CLSTN1: variants seen among roughly 807,000 people sequenced by gnomAD.
The protein encoded by CLSTN1 is calsyntenin-1.
A neutral mutation model predicts 108.3 loss-of-function variants in CLSTN1; 28 were observed. That is an observed-to-expected ratio of 0.26 (90% CI 0.19 to 0.35). The LOEUF (loss-of-function observed/expected upper bound fraction) is 0.35. Ranked by LOEUF, CLSTN1 falls within the 10% of genes least tolerant of loss-of-function variation. CLSTN1 has a pLI of 1.00. For synonymous variants in CLSTN1, 524 were observed against 534.9 expected, an observed-to-expected ratio of 0.98 and a Z score of 0.28; for missense variants, 1,157 against 1,302.6, an observed-to-expected ratio of 0.89 and a Z score of 1.72.
chr1:9,813,890 G>A (rs765948237), intron 1 of CLSTN1, among the ~76,000 whole-genome samples: 146 of 151,570 alleles, frequency 9.6e-4, no homozygotes, highest in Non-Finnish European at 1.9e-3. Context: ...ACAAGGTGAG[G>A]AGATCGAGAC....
chr1:9,764,636 T>TTA (rs1225828423), intron 2 of CLSTN1, among the ~76,000 whole-genome samples: 1 of 103,950 alleles, frequency 9.6e-6, no homozygotes, highest in African/African-American at 4.3e-5. Context: ...GGCTCCATCT[T>TTA]TAAAAAAAAA....
intron 7 of CLSTN1, among the ~76,000 whole-genome samples, chr1:9,744,994 C>T (rs1232740278): frequency 3.9e-5 from 6 of 152,178 alleles, no homozygotes; most frequent in African/African-American, 7.2e-5. Context: ...CCTCGTGATC[C>T]GCCTGACTCG....
chr1:9,799,685 G>A (rs1654167522), intron 1 of CLSTN1, among the ~76,000 whole-genome samples: 1 of 149,864 alleles, frequency 6.7e-6, no homozygotes, highest in South Asian at 2.1e-4. Context: ...ACTCACGCCT[G>A]TAATCCCATC....
chr1:9,814,102 A>G (rs887158605), intron 1 of CLSTN1, among the ~76,000 whole-genome samples: 8 of 146,190 alleles, frequency 5.5e-5, no homozygotes, highest in Admixed American at 1.4e-4. Flanking sequence ...ACACTGTCTC[A>G]AAAAAAAAAA....
At chr1:9,754,765 G>A (rs1651729736) in intron 4 of CLSTN1, among the ~76,000 whole-genome samples, 1 of 151,934 alleles carries the variant, frequency 6.6e-6, no homozygotes, top group Non-Finnish European at 1.5e-5. Flanking sequence ...TGAGGCAGGA[G>A]AATCGCTTGA....
intron 2 of CLSTN1, among the ~76,000 whole-genome samples, chr1:9,768,516 G>A (rs1462480528): frequency 1.7e-5 from 2 of 117,230 alleles, no homozygotes; most frequent in African/African-American, 3.4e-5. Context: ...TGGGGTTGGC[G>A]ATCTGTGTTG....
intron 4 of CLSTN1, among the ~76,000 whole-genome samples, chr1:9,751,903 G>A (rs1651576871): frequency 6.6e-6 from 1 of 151,786 alleles, no homozygotes; most frequent in Non-Finnish European, 1.5e-5. Flanking sequence ...GAGGGATTTG[G>A]GTCGATTCTT....
chr1:9,817,381 G>A (rs1655013919), intron 1 of CLSTN1, among the ~76,000 whole-genome samples: 1 of 152,122 alleles, frequency 6.6e-6, no homozygotes, highest in Middle Eastern at 3.2e-3. Context: ...AGGCTGGAGT[G>A]CAATGGCACC....
At chr1:9,791,531 G>A (rs918841403) in intron 1 of CLSTN1, among the ~76,000 whole-genome samples, 7 of 150,588 alleles carry the variant, frequency 4.6e-5, no homozygotes, top group Non-Finnish European at 8.8e-5. Flanking sequence ...ACCATGCCCG[G>A]CCCAAATCCT....
At chr1:9,806,665 G>A (rs1654520885) in intron 1 of CLSTN1, among the ~76,000 whole-genome samples, 1 of 152,140 alleles carries the variant, frequency 6.6e-6, no homozygotes, top group Non-Finnish European at 1.5e-5. Context: ...GGATCACGAG[G>A]TCAGGAGATT....
intron 9 of CLSTN1, among the ~76,000 whole-genome samples, chr1:9,743,512 T>G (rs1436517246): frequency 6.6e-6 from 1 of 152,234 alleles, no homozygotes; most frequent in Non-Finnish European, 1.5e-5. Flanking sequence ...TGTGCAAGGT[T>G]GCAGTACCTG....
chr1:9,743,535 T>C (rs1301999240), intron 9 of CLSTN1, among the ~76,000 whole-genome samples: 1 of 152,180 alleles, frequency 6.6e-6, no homozygotes, highest in African/African-American at 2.4e-5. Context: ...TACTCTCTCT[T>C]AGAAGATGAC....
At chr1:9,747,326 T>C (rs1429867090) in intron 7 of CLSTN1, among the ~76,000 whole-genome samples, 1 of 151,978 alleles carries the variant, frequency 6.6e-6, no homozygotes, top group Non-Finnish European at 1.5e-5. Flanking sequence ...TATACTTACA[T>C]GCATGGTTTA....
upstream of CLSTN1, chr1:9,823,989 C>A (rs990943040): frequency 6.5e-6 from 1 of 153,380 alleles, no homozygotes; most frequent in South Asian, 2.1e-4. This position sits in a 1 kb window ranked among gnomAD's most constrained non-coding sequence, Gnocchi z 6.3. Context: ...TCTCTCGGGT[C>A]CGGCGAGGGT....
intron 5 of CLSTN1, 200 bp from the exon 6 acceptor site, chr1:9,750,113 A>G: frequency 3.7e-6 from 2 of 539,616 alleles, no homozygotes; most frequent in Non-Finnish European, 6.6e-6. Context: ...AAGAGTTTCA[A>G]CAGAAGAGAC....
chr1:9,808,827 T>C (rs1376978538), intron 1 of CLSTN1, among the ~76,000 whole-genome samples: 1 of 152,070 alleles, frequency 6.6e-6, no homozygotes, highest in Non-Finnish European at 1.5e-5. Flanking sequence ...CCAGCTTACC[T>C]GTCTGTACTT....
intron 1 of CLSTN1, among the ~76,000 whole-genome samples, chr1:9,807,113 C>T (rs1408588372): frequency 6.6e-6 from 1 of 152,000 alleles, no homozygotes; most frequent in African/African-American, 2.4e-5. Context: ...TGGTTTTACC[C>T]CCGGCTCAGC....
chr1:9,753,601 C>T (rs183697347), intron 4 of CLSTN1, among the ~76,000 whole-genome samples: 60 of 152,008 alleles, frequency 3.9e-4, no homozygotes, highest in Non-Finnish European at 5.6e-4. Context: ...AAGTGATTCT[C>T]CTGCCTCAGC....
Position 9,790,561 on chromosome 1 carries a change from C to A in CLSTN1, c.92-17167G>T, listed in dbSNP as rs138603555. Among the ~76,000 whole-genome samples, 926 of 151,410 alleles carry A rather than the reference C, an allele frequency of 6.1e-3. 18 individuals carry two copies. The highest frequency in any genetic ancestry group is 0.016 in the South Asian group (75 of 4,636). On this transcript the variant is annotated intron_variant, in intron 1 of 18. Coordinates refer to ENST00000377298, the MANE Select transcript of CLSTN1 (RefSeq NM_001009566.3). ...GACTTTTTAAATGTTTTGTTGAGAT[C>A]GCCATTAAAATATTTTGTCAGTATA...
Sources: gnomAD v4.1 joint callset for allele counts (sites outside exome capture counted in the v4.1 genomes callset) on GRCh38, gnomAD v4.1.1 for gene constraint, Gnocchi (gnomAD v3.1) non-coding constraint, MANE v1.5 for transcripts, NCBI Gene and HGNC (gene_info 2026-07-23, HGNC 2026-07-21) for gene names.